Variants in DLG2 observed in about 807,000 individuals in gnomAD.
The protein encoded by DLG2 is discs large MAGUK scaffold protein 2, also known as disks large homolog 2.
Under a neutral mutation model 132.5 loss-of-function variants are expected in DLG2, and 45 were observed. That is an observed-to-expected ratio of 0.34 (90% CI 0.27 to 0.44). The LOEUF (loss-of-function observed/expected upper bound fraction) is 0.44. Ranked by LOEUF, DLG2 falls within the 20% of genes least tolerant of loss-of-function variation. DLG2 has a pLI of 1.00. For synonymous variants in DLG2, 424 were observed against 419.6 expected (o/e 1.01, Z -0.13); for missense variants, 1,045 against 1,196.9 (o/e 0.87, Z 1.87).
At chr11:85,423,567 T>A (rs2090484169) in intron 3 of DLG2, among the ~76,000 whole-genome samples, 1 of 152,084 alleles carries the variant, frequency 6.6e-6, no homozygotes, top group Non-Finnish European at 1.5e-5. Flanking sequence ...GGGCTAGGTG[T>A]GTCTGAGCTC....
At chr11:83,959,146 A>C (rs12283541) in intron 14 of DLG2, among the ~76,000 whole-genome samples, 29,734 of 152,016 alleles carry the variant, frequency 0.2, 4,137 homozygotes, top group African/African-American at 0.4. Context: ...TTTATTTGTG[A>C]CTTTTCTTCT....
chr11:83,538,522 T>G (rs1238499962), intron 20 of DLG2, among the ~76,000 whole-genome samples: 1 of 152,252 alleles, frequency 6.6e-6, no homozygotes, highest in South Asian at 2.1e-4. Context: ...AGTTTGTTCC[T>G]GGTGTAGTGT....
intron 18 of DLG2, among the ~76,000 whole-genome samples, chr11:83,678,816 G>C (rs1007065783): frequency 1.3e-5 from 2 of 152,016 alleles, no homozygotes; most frequent in Non-Finnish European, 2.9e-5. Flanking sequence ...CCTTGAATTT[G>C]GTAGATTTAC....
chr11:85,057,813 C>T (rs548580110), intron 6 of DLG2, among the ~76,000 whole-genome samples: 3 of 151,412 alleles, frequency 2.0e-5, no homozygotes, highest in Non-Finnish European at 4.4e-5. Context: ...AATCAGCCAA[C>T]ACAATTCACC....
chr11:83,803,498 C>T (rs2045087360), intron 17 of DLG2, among the ~76,000 whole-genome samples: 1 of 152,056 alleles, frequency 6.6e-6, no homozygotes, highest in Admixed American at 6.6e-5. Context: ...CACATAAATG[C>T]CCTAATTCCC....
intron 21 of DLG2, among the ~76,000 whole-genome samples, chr11:83,484,974 C>T (rs1343825075): frequency 6.6e-6 from 1 of 152,104 alleles, no homozygotes; most frequent in Non-Finnish European, 1.5e-5. Flanking sequence ...GAAGTTGTGT[C>T]CTATACTGCT....
intron 10 of DLG2, among the ~76,000 whole-genome samples, chr11:84,076,113 A>C (rs2096827096): frequency 1.3e-5 from 2 of 152,226 alleles, no homozygotes; most frequent in Admixed American, 6.5e-5. Flanking sequence ...AAAGAAACCC[A>C]CTGGTGTCAG....
At chr11:85,119,728 A>C (rs1254071883) in intron 5 of DLG2, among the ~76,000 whole-genome samples, 1 of 152,062 alleles carries the variant, frequency 6.6e-6, no homozygotes, top group East Asian at 1.9e-4. Flanking sequence ...AAAATATATG[A>C]AATTTCAGGA....
intron 19 of DLG2, among the ~76,000 whole-genome samples, chr11:83,562,490 T>C (rs1248668041): frequency 6.6e-6 from 1 of 152,130 alleles, no homozygotes; most frequent in Admixed American, 6.5e-5. Flanking sequence ...CTCAGTTCAC[T>C]GAGACTCTGG....
intron 3 of DLG2, among the ~76,000 whole-genome samples, chr11:85,322,793 C>G (rs76771657): frequency 0.12 from 17,534 of 152,090 alleles, 1,453 homozygotes; most frequent in Non-Finnish European, 0.16. Context: ...ATTATGAAGT[C>G]TATAGATCCT....
At chr11:84,414,476 A>T (rs1271699800) in intron 7 of DLG2, among the ~76,000 whole-genome samples, 1 of 152,172 alleles carries the variant, frequency 6.6e-6, no homozygotes, top group Non-Finnish European at 1.5e-5. Context: ...TGAGGGACGA[A>T]CTTGGACCAT....
At chr11:83,700,837 G>C (rs1018806216) in intron 18 of DLG2, among the ~76,000 whole-genome samples, 4 of 152,042 alleles carry the variant, frequency 2.6e-5, no homozygotes, top group Non-Finnish European at 2.9e-5. Context: ...TTAATAATCA[G>C]ATACAAAGGT....
intron 15 of DLG2, among the ~76,000 whole-genome samples, chr11:83,897,576 T>A (rs1054992317): frequency 2.6e-5 from 4 of 152,230 alleles, no homozygotes; most frequent in African/African-American, 9.6e-5. Context: ...AATACTAAAA[T>A]ACTATTTGTT....
intron 7 of DLG2, among the ~76,000 whole-genome samples, chr11:84,450,944 G>A (rs1219452744): frequency 6.6e-6 from 1 of 151,716 alleles, no homozygotes; most frequent in Admixed American, 6.6e-5. Context: ...AACAGAATGT[G>A]TATAACTGAT....
At chr11:84,828,072 G>A (rs1267139818) in intron 6 of DLG2, among the ~76,000 whole-genome samples, 2 of 151,654 alleles carry the variant, frequency 1.3e-5, no homozygotes, top group African/African-American at 4.8e-5. Context: ...TTGACATGGC[G>A]GTGGAAACGT....
At chr11:83,784,029 T>C (rs2094940451) in intron 18 of DLG2, among the ~76,000 whole-genome samples, 1 of 152,224 alleles carries the variant, frequency 6.6e-6, no homozygotes, top group Non-Finnish European at 1.5e-5. Context: ...CTGATAATAC[T>C]GACAGATACA....
intron 3 of DLG2, among the ~76,000 whole-genome samples, chr11:85,564,537 T>G (rs2077424117): frequency 6.6e-6 from 1 of 151,990 alleles, no homozygotes; most frequent in Non-Finnish European, 1.5e-5. Flanking sequence ...ATTAAAGTAT[T>G]TTGCCACTTT....
intron 3 of DLG2, among the ~76,000 whole-genome samples, chr11:85,371,767 A>C (rs1237202512): frequency 1.3e-5 from 2 of 152,188 alleles, no homozygotes; most frequent in African/African-American, 4.8e-5. Flanking sequence ...CAAGTATTTG[A>C]AGATGAAAAC....
At chr11:85,388,312 A>G (rs2086515157) in intron 3 of DLG2, among the ~76,000 whole-genome samples, 1 of 152,126 alleles carries the variant, frequency 6.6e-6, no homozygotes, top group South Asian at 2.1e-4. Flanking sequence ...GCTTAAGGAG[A>G]GTCTGAGTTC....
Sources: gnomAD v4.1 joint callset for allele counts (sites outside exome capture counted in the v4.1 genomes callset) on GRCh38, gnomAD v4.1.1 for gene constraint, MANE v1.5 for transcripts, NCBI Gene and HGNC (gene_info 2026-07-23, HGNC 2026-07-21) for gene names.